Variants in VEGFC observed in about 807,000 individuals in gnomAD.
VEGFC encodes the protein FLT4 ligand DHM.
Under a neutral mutation model 46.1 loss-of-function variants are expected in VEGFC, and 12 were observed. The ratio of observed to expected loss-of-function variants is 0.26; its 90% CI spans 0.17 to 0.42. VEGFC has a LOEUF of 0.42. VEGFC is among the 10% of genes least tolerant of loss of function. The pLI is 1.00. For synonymous variants in VEGFC, 232 were observed against 195.5 expected (o/e 1.19, Z -1.56); for missense variants, 488 against 529.4 (o/e 0.92, Z 0.77).
At chr4:176,723,646 T>G (rs763615222) in intron 3 of VEGFC, among the ~76,000 whole-genome samples, 1 of 150,144 alleles carries the variant, frequency 6.7e-6, no homozygotes, top group Non-Finnish European at 1.5e-5. Context: ...ATTTGTGACA[T>G]AGGTAAACTT....
chr4:176,709,081 G>A (rs1224640266), intron 4 of VEGFC, among the ~76,000 whole-genome samples: 2 of 152,144 alleles, frequency 1.3e-5, no homozygotes, highest in African/African-American at 4.8e-5. Context: ...ACCTCAAACA[G>A]TGTATAGGAT....
rs777733719 is a variant in VEGFC, at chr4:176,729,599, G to A, written c.295C>T (p.Leu99Phe). 5.0e-6 allele frequency: 8 copies of A among 1,613,820 alleles called. No individual in the cohort carries two copies. The Admixed American group carries it at 1.0e-4, about 20-fold the overall frequency. Residue 99 changes from leucine to phenylalanine, a missense_variant, in exon 2 of 7, where the codon CTC becomes TTC. Leu to Phe is a conservative substitution (Grantham distance 22). Transcript: ENST00000618562. Reference sequence around the variant, plus strand: ...ATAGTCTCTTCTGTCCTTGAGTTGAGGTTGGCCTGTTCTCTGTTATGTTGC... The same window carrying A: ...ATAGTCTCTTCTGTCCTTGAGTTGAAGTTGGCCTGTTCTCTGTTATGTTGC... The part of the protein sequence containing the change: ...GWQHNREQAN[L>F]NSRTEETIKF...
chr4:176,733,381 G>A (rs1486113191), intron 1 of VEGFC, among the ~76,000 whole-genome samples: 3 of 151,896 alleles, frequency 2.0e-5, no homozygotes, highest in African/African-American at 7.2e-5. Context: ...TGGGCAAATG[G>A]ATAAAATGTG....
At chr4:176,774,862 G>C (rs907434924) in intron 1 of VEGFC, among the ~76,000 whole-genome samples, 4 of 150,620 alleles carry the variant, frequency 2.7e-5, no homozygotes, top group Admixed American at 2.6e-4. Flanking sequence ...CTTTACTGTT[G>C]CTTTCTGCAC....
chr4:176,696,886 G>T (rs1251929209), intron 4 of VEGFC, among the ~76,000 whole-genome samples: 1 of 152,106 alleles, frequency 6.6e-6, no homozygotes, highest in Non-Finnish European at 1.5e-5. Context: ...AATGGGGAAA[G>T]GATGCCCTAT....
chr4:176,743,029 A>T (rs748797169), intron 1 of VEGFC, among the ~76,000 whole-genome samples: 3 of 152,004 alleles, frequency 2.0e-5, no homozygotes, highest in South Asian at 4.1e-4. Context: ...CATCAAAGGA[A>T]CCGGAAGAAG....
At chr4:176,762,636 G>A (rs978850327) in intron 1 of VEGFC, among the ~76,000 whole-genome samples, 1 of 152,176 alleles carries the variant, frequency 6.6e-6, no homozygotes, top group African/African-American at 2.4e-5. Context: ...CTGAAAAAGT[G>A]CATCTATCTA....
intron 3 of VEGFC, among the ~76,000 whole-genome samples, chr4:176,712,493 G>A (rs748578515): frequency 2.6e-4 from 39 of 152,086 alleles, no homozygotes; most frequent in Non-Finnish European, 5.1e-4. Flanking sequence ...TAAATTCCTA[G>A]TGTTCTTACA....
chr4:176,744,558 T>C (rs186874718), intron 1 of VEGFC, among the ~76,000 whole-genome samples: 1 of 152,132 alleles, frequency 6.6e-6, no homozygotes, highest in East Asian at 1.9e-4. Context: ...GGATGAAAGA[T>C]GGCATTTAGC....
chr4:176,767,918 T>G (rs1047347413), intron 1 of VEGFC, among the ~76,000 whole-genome samples: 1 of 152,128 alleles, frequency 6.6e-6, no homozygotes, highest in Non-Finnish European at 1.5e-5. Flanking sequence ...GTCAGAGATG[T>G]AGCAAGTGGT....
intron 1 of VEGFC, among the ~76,000 whole-genome samples, chr4:176,768,491 C>CATATATATATATATATAT (rs145504348): frequency 0.11 from 10,880 of 99,854 alleles, 1,133 homozygotes; most frequent in South Asian, 0.16. Flanking sequence ...ATGTTTTATA[C>CATATATATATATATATAT]ATATATATAT....
chr4:176,717,259 A>G (rs1486593283), intron 3 of VEGFC, among the ~76,000 whole-genome samples: 1 of 152,128 alleles, frequency 6.6e-6, no homozygotes, highest in Non-Finnish European at 1.5e-5. Context: ...ATATAAAAAA[A>G]GGCATTTAAG....
intron 3 of VEGFC, among the ~76,000 whole-genome samples, chr4:176,727,407 T>C (rs1734888920): frequency 6.6e-6 from 1 of 152,192 alleles, no homozygotes; most frequent in South Asian, 2.1e-4. Context: ...ATCTCCACCA[T>C]CTGAAAACTC....
intron 3 of VEGFC, among the ~76,000 whole-genome samples, chr4:176,726,571 G>T (rs1734877255): frequency 6.6e-6 from 1 of 152,056 alleles, no homozygotes; most frequent in African/African-American, 2.4e-5. Context: ...TTTTTGAAAA[G>T]AAAGCAATTA....
chr4:176,690,790 T>C (rs1028351853), intron 4 of VEGFC, among the ~76,000 whole-genome samples: 13 of 152,226 alleles, frequency 8.5e-5, no homozygotes, highest in African/African-American at 2.9e-4. Context: ...CGCTTCTGTG[T>C]TGATTGATAT....
At chr4:176,743,425 G>T (rs770510543) in intron 1 of VEGFC, among the ~76,000 whole-genome samples, 3 of 151,690 alleles carry the variant, frequency 2.0e-5, no homozygotes, top group Non-Finnish European at 2.9e-5. Flanking sequence ...AAGCATAAAT[G>T]ATTAAAACTC....
intron 1 of VEGFC, among the ~76,000 whole-genome samples, chr4:176,764,827 A>G (rs1735590490): frequency 6.6e-6 from 1 of 152,238 alleles, no homozygotes; most frequent in Non-Finnish European, 1.5e-5. Flanking sequence ...ATTTTTAAAT[A>G]AAACATCAAA....
intron 1 of VEGFC, among the ~76,000 whole-genome samples, chr4:176,777,811 C>T (rs909118359): frequency 6.7e-6 from 1 of 148,272 alleles, no homozygotes; most frequent in East Asian, 2.0e-4. Flanking sequence ...CCCTGCTACT[C>T]GGGAGGCTGG....
At chr4:176,700,597 G>A (rs961092661) in intron 4 of VEGFC, among the ~76,000 whole-genome samples, 3 of 152,150 alleles carry the variant, frequency 2.0e-5, no homozygotes, top group Non-Finnish European at 2.9e-5. Flanking sequence ...GCCACCAGAA[G>A]TGGGGATGGG....
Sources: gnomAD v4.1 joint callset for allele counts (sites outside exome capture counted in the v4.1 genomes callset) on GRCh38, gnomAD v4.1.1 for gene constraint, MANE v1.5 for transcripts, NCBI Gene and HGNC (gene_info 2026-07-23, HGNC 2026-07-21) for gene names.